Variants in SYT9 observed in about 807,000 individuals in gnomAD.
SYT9 encodes synaptotagmin-9.
Under a neutral mutation model 48.4 loss-of-function variants are expected in SYT9, and 22 were observed. The ratio of observed to expected loss-of-function variants is 0.45; its 90% CI spans 0.32 to 0.65. SYT9 has a LOEUF of 0.65. Ranked by LOEUF, SYT9 falls within the 30% of genes least tolerant of loss-of-function variation. The pLI is 0.03. For missense variants in SYT9, 577 were observed against 622.0 expected (o/e 0.93, Z 0.77); for synonymous variants, 265 against 245.0 (o/e 1.08, Z -0.76).
At chr11:7,452,332 T>C (rs185572289) in intron 6 of SYT9, among the ~76,000 whole-genome samples, 4 of 152,294 alleles carry the variant, frequency 2.6e-5, no homozygotes, top group Admixed American at 1.3e-4. Context: ...CCTGATTCTG[T>C]TCCCTGCAGT....
At chr11:7,395,043 G>A (rs1385831122) in intron 3 of SYT9, among the ~76,000 whole-genome samples, 1 of 151,824 alleles carries the variant, frequency 6.6e-6, no homozygotes, top group African/African-American at 2.4e-5. Flanking sequence ...ATAGGTTTTG[G>A]GGGAACAGGT....
chr11:7,440,833 G>T (rs527359763), intron 6 of SYT9: 1 of 152,316 alleles, frequency 6.6e-6, no homozygotes, highest in South Asian at 2.1e-4. Flanking sequence ...GTTGCTTAGC[G>T]ACTGATCAGC....
intron 1 of SYT9, among the ~76,000 whole-genome samples, chr11:7,279,179 C>A (rs1848449317): frequency 6.6e-6 from 1 of 152,120 alleles, no homozygotes; most frequent in Non-Finnish European, 1.5e-5. Context: ...GTGTCCATCT[C>A]TGGCAAAGTC....
intron 3 of SYT9, among the ~76,000 whole-genome samples, chr11:7,402,461 C>T (rs959102634): frequency 1.3e-5 from 2 of 152,000 alleles, no homozygotes; most frequent in Admixed American, 1.3e-4. Context: ...GTGGATTTGA[C>T]TGTTTCTACT....
chr11:7,387,872 T>C (rs1850691449), intron 3 of SYT9, among the ~76,000 whole-genome samples: 1 of 152,174 alleles, frequency 6.6e-6, no homozygotes, highest in African/African-American at 2.4e-5. Context: ...CATGTATGTT[T>C]GTAATTCATT....
At chr11:7,319,196 T>TTC (rs1849296259) in intron 3 of SYT9, among the ~76,000 whole-genome samples, 3 of 4,910 alleles carry the variant, frequency 6.1e-4, no homozygotes, top group African/African-American at 1.0e-3. Context: ...CTTTTTCTTT[T>TTC]TTTTTTTTTT....
intron 6 of SYT9, among the ~76,000 whole-genome samples, chr11:7,447,545 A>T (rs1270252230): frequency 6.6e-6 from 1 of 152,110 alleles, no homozygotes; most frequent in Admixed American, 6.6e-5. Context: ...CATACAGATA[A>T]ACTTTTCTCT....
intron 3 of SYT9, among the ~76,000 whole-genome samples, chr11:7,341,192 T>G (rs1849706666): frequency 6.6e-6 from 1 of 152,222 alleles, no homozygotes; most frequent in Non-Finnish European, 1.5e-5. Flanking sequence ...GCTGCTGTGC[T>G]GTACTGGAGG....
chr11:7,418,398 T>C (rs1366812506), intron 5 of SYT9, among the ~76,000 whole-genome samples: 1 of 152,216 alleles, frequency 6.6e-6, no homozygotes, highest in Non-Finnish European at 1.5e-5. Flanking sequence ...CCTCCACCTC[T>C]TCCCCTTTTC....
chr11:7,335,448 C>A (rs780829627), intron 3 of SYT9, among the ~76,000 whole-genome samples: 4 of 152,046 alleles, frequency 2.6e-5, no homozygotes, highest in Admixed American at 6.5e-5. Flanking sequence ...ATTATTTTTT[C>A]TGATCCTTTC....
intron 1 of SYT9, among the ~76,000 whole-genome samples, chr11:7,290,787 A>G (rs1848685064): frequency 6.6e-6 from 1 of 152,184 alleles, no homozygotes; most frequent in Non-Finnish European, 1.5e-5. Flanking sequence ...GCCCCTTAAT[A>G]TATAAAAGCT....
intron 3 of SYT9, among the ~76,000 whole-genome samples, chr11:7,414,047 G>C (rs142367364): frequency 1.4e-3 from 214 of 152,172 alleles, no homozygotes; most frequent in African/African-American, 2.2e-3. Context: ...TTATGTCGGA[G>C]GAAAACAAAC....
In SYT9 at chr11:7,295,420, A is replaced by G. The variant is rs112320282; in HGVS notation, c.146-7619A>G. On this transcript the variant is annotated intron_variant, in intron 1 of 6. Coordinates refer to ENST00000318881, the MANE Select transcript of SYT9 (RefSeq NM_175733.4). Reference sequence around the variant, plus strand: ...CACCTTTCTTCCAGTTTCTAATAATATGTTCTTCATTCCTCTCTGAGACTT... The same window carrying G: ...CACCTTTCTTCCAGTTTCTAATAATGTGTTCTTCATTCCTCTCTGAGACTT... Among the ~76,000 whole-genome samples, 514 of 152,306 alleles carry G rather than the reference A, an allele frequency of 3.4e-3. 4 individuals carry two copies. The highest frequency in any genetic ancestry group is 0.012 in the African/African-American group (507 of 41,564).
At chr11:7,342,851 A>G (rs1849737862) in intron 3 of SYT9, among the ~76,000 whole-genome samples, 1 of 152,188 alleles carries the variant, frequency 6.6e-6, no homozygotes, top group East Asian at 1.9e-4. Context: ...AGGCATTTCC[A>G]TACAACCTCT....
At chr11:7,455,844 TG>T (rs1848142414) in intron 6 of SYT9, among the ~76,000 whole-genome samples, 2 of 152,142 alleles carry the variant, frequency 1.3e-5, no homozygotes, top group Admixed American at 1.3e-4. Context: ...GTGTAAATTC[TG>T]GGCAAAAATG....
At chr11:7,378,034 A>C (rs1850487778) in intron 3 of SYT9, among the ~76,000 whole-genome samples, 1 of 152,068 alleles carries the variant, frequency 6.6e-6, no homozygotes, top group South Asian at 2.1e-4. Context: ...TAATAGGAAC[A>C]TAGGCAGAGA....
chr11:7,365,189 A>T (rs895593454), intron 3 of SYT9, among the ~76,000 whole-genome samples: 1 of 152,150 alleles, frequency 6.6e-6, no homozygotes, highest in Non-Finnish European at 1.5e-5. Flanking sequence ...GTGGAAAAAA[A>T]AAAGCGATGA....
At chr11:7,247,536 T>C (rs952054847), upstream of SYT9, among the ~76,000 whole-genome samples, 4 of 148,546 alleles carry the variant, frequency 2.7e-5, no homozygotes, top group East Asian at 1.9e-4. Flanking sequence ...TATATACATA[T>C]ATATACACGT....
At chr11:7,284,474 T>G (rs1848560891) in intron 1 of SYT9, among the ~76,000 whole-genome samples, 1 of 152,176 alleles carries the variant, frequency 6.6e-6, no homozygotes, top group African/African-American at 2.4e-5. Context: ...TGATATTAAA[T>G]AGTGATTTGG....
Sources: allele counts gnomAD v4.1 joint callset (sites outside exome capture counted in the v4.1 genomes callset), GRCh38; gene constraint gnomAD v4.1.1; transcripts MANE v1.5; gene names NCBI Gene and HGNC (gene_info 2026-07-23, HGNC 2026-07-21).